The following STXBP5L variants were observed in gnomAD, a reference collection of about 807,000 sequenced individuals.
The protein encoded by STXBP5L is syntaxin-binding protein 5-like.
STXBP5L carries 65 observed loss-of-function variants against 144.5 expected under a neutral mutation model. The ratio of observed to expected loss-of-function variants is 0.45; its 90% CI spans 0.37 to 0.55. The LOEUF (loss-of-function observed/expected upper bound fraction) is 0.55. STXBP5L is among the 20% of genes least tolerant of loss of function. The pLI is 0.00. For missense variants in STXBP5L, 1,298 were observed against 1,405.5 expected, an observed-to-expected ratio of 0.92 and a Z score of 1.22; for synonymous variants, 505 against 469.6, an observed-to-expected ratio of 1.08 and a Z score of -0.97.
rs181440866 is a variant in STXBP5L, at chr3:121,006,182, A to T, written c.288-35518A>T. Among the ~76,000 whole-genome samples, 1,243 of 152,138 alleles carry T rather than the reference A, an allele frequency of 8.2e-3. 7 individuals carry two copies. The highest frequency in any genetic ancestry group is 0.014 in the Non-Finnish European group (984 of 67,994). Reference sequence around the variant, plus strand: ...AAGTCTCCCATTATTTTTGTGTGGGAGTCTAAGTCTCTTTGTGGGTCTCTA... The same window carrying T: ...AAGTCTCCCATTATTTTTGTGTGGGTGTCTAAGTCTCTTTGTGGGTCTCTA... On this transcript the variant is annotated intron_variant, in intron 3 of 26. Transcript: ENST00000471454.
At chr3:121,096,230 G>A (rs766937270) in intron 5 of STXBP5L, among the ~76,000 whole-genome samples, 8 of 152,104 alleles carry the variant, frequency 5.3e-5, no homozygotes, top group Non-Finnish European at 8.8e-5. Context: ...TTCATATTTG[G>A]CTATCTTGGA....
intron 11 of STXBP5L, among the ~76,000 whole-genome samples, chr3:121,229,248 T>C (rs1162255527): frequency 6.6e-6 from 1 of 152,192 alleles, no homozygotes; most frequent in African/African-American, 2.4e-5. Flanking sequence ...CTTACATCTC[T>C]TTCTGTCTCT....
At chr3:120,961,000 A>T (rs997471518) in intron 3 of STXBP5L, among the ~76,000 whole-genome samples, 1 of 151,620 alleles carries the variant, frequency 6.6e-6, no homozygotes, top group Non-Finnish European at 1.5e-5. Flanking sequence ...AAATCTTATT[A>T]CTCATTTTTG....
At chr3:121,175,573 C>G (rs2046901211) in intron 9 of STXBP5L, among the ~76,000 whole-genome samples, 1 of 151,526 alleles carries the variant, frequency 6.6e-6, no homozygotes, top group African/African-American at 2.4e-5. Flanking sequence ...AAAAGTTTTT[C>G]AAGTATAAAT....
chr3:121,162,852 C>T (rs534390781), intron 9 of STXBP5L, among the ~76,000 whole-genome samples: 2 of 152,088 alleles, frequency 1.3e-5, no homozygotes, highest in Admixed American at 6.5e-5. Flanking sequence ...TAGAGAAATG[C>T]AAATCAAAAC....
intron 19 of STXBP5L, among the ~76,000 whole-genome samples, chr3:121,317,167 T>TAG (rs2043814912): frequency 6.6e-6 from 1 of 152,154 alleles, no homozygotes. Context: ...AAACAGAAAT[T>TAG]TAAAATTGGA....
intron 19 of STXBP5L, among the ~76,000 whole-genome samples, chr3:121,307,700 A>G (rs2043385970): frequency 6.6e-6 from 1 of 152,194 alleles, no homozygotes; most frequent in South Asian, 2.1e-4. Context: ...GTGCACCAAC[A>G]TATACATAAT....
chr3:121,168,472 T>C (rs1006304286), intron 9 of STXBP5L, among the ~76,000 whole-genome samples: 3 of 152,222 alleles, frequency 2.0e-5, no homozygotes, highest in African/African-American at 7.2e-5. Flanking sequence ...CTTACTAGAA[T>C]AACCAGTTTA....
At chr3:121,295,411 T>C (rs1232678957) in intron 19 of STXBP5L, among the ~76,000 whole-genome samples, 1 of 152,144 alleles carries the variant, frequency 6.6e-6, no homozygotes, top group Non-Finnish European at 1.5e-5. Context: ...TTCAGTTCAG[T>C]ATTTTAGTAG....
intron 5 of STXBP5L, among the ~76,000 whole-genome samples, chr3:121,111,241 A>T (rs887842686): frequency 1.3e-5 from 2 of 151,960 alleles, no homozygotes; most frequent in Non-Finnish European, 2.9e-5. Flanking sequence ...ACTTCTGTCA[A>T]TTCATTCATT....
chr3:121,095,723 G>T (rs2043084221), intron 5 of STXBP5L, among the ~76,000 whole-genome samples: 1 of 152,026 alleles, frequency 6.6e-6, no homozygotes. Flanking sequence ...TCTTTGCGAT[G>T]GGTTCGAACT....
chr3:121,350,133 A>G (rs1013979689), intron 20 of STXBP5L, among the ~76,000 whole-genome samples: 2 of 151,916 alleles, frequency 1.3e-5, no homozygotes, highest in African/African-American at 4.8e-5. Context: ...TTCCTTCAGG[A>G]GCTCTTTTAG....
At chr3:121,312,916 G>A (rs1003191448) in intron 19 of STXBP5L, among the ~76,000 whole-genome samples, 5 of 152,066 alleles carry the variant, frequency 3.3e-5, no homozygotes, top group African/African-American at 7.2e-5. Context: ...CACCCTTCCC[G>A]CCTTTCTATT....
intron 5 of STXBP5L, among the ~76,000 whole-genome samples, chr3:121,051,010 G>A (rs1947936946): frequency 6.6e-6 from 1 of 152,094 alleles, no homozygotes; most frequent in Admixed American, 6.6e-5. Context: ...AATGGTAAAG[G>A]GATCAATTCA....
intron 20 of STXBP5L, among the ~76,000 whole-genome samples, chr3:121,338,793 C>T (rs1286556358): frequency 6.6e-6 from 1 of 152,008 alleles, no homozygotes; most frequent in East Asian, 1.9e-4. Context: ...ACTAGAAAAT[C>T]TATAGGGAAT....
At chr3:121,184,041 C>G (rs1187520421) in intron 9 of STXBP5L, among the ~76,000 whole-genome samples, 1 of 151,822 alleles carries the variant, frequency 6.6e-6, no homozygotes, top group Non-Finnish European at 1.5e-5. Context: ...GATGTACACC[C>G]AAAAACCCCA....
intron 9 of STXBP5L, among the ~76,000 whole-genome samples, chr3:121,198,599 G>T (rs915254960): frequency 6.6e-6 from 1 of 152,090 alleles, no homozygotes; most frequent in East Asian, 1.9e-4. Context: ...TTTTCTTCTA[G>T]GATTTTTTAT....
chr3:121,275,128 G>A (rs767279544), intron 18 of STXBP5L, among the ~76,000 whole-genome samples: 5 of 151,912 alleles, frequency 3.3e-5, no homozygotes, highest in East Asian at 1.9e-4. Context: ...TACCAATACC[G>A]GCCTGTCTTG....
intron 5 of STXBP5L, among the ~76,000 whole-genome samples, chr3:121,105,343 C>A (rs1408581116): frequency 2.0e-5 from 3 of 151,596 alleles, no homozygotes; most frequent in Non-Finnish European, 4.4e-5. Context: ...TTGCAGTGAG[C>A]CGAGATCACG....
Sources: allele counts gnomAD v4.1 joint callset (sites outside exome capture counted in the v4.1 genomes callset), GRCh38; gene constraint gnomAD v4.1.1; transcripts MANE v1.5; gene names NCBI Gene and HGNC (gene_info 2026-07-23, HGNC 2026-07-21).